Variants in IGSF11 observed in about 807,000 individuals in gnomAD.
The protein encoded by IGSF11 is immunoglobulin superfamily member 11.
In IGSF11, 22 loss-of-function variants were observed where a neutral mutation model predicts 41.0. The ratio of observed to expected loss-of-function variants is 0.54; its 90% CI spans 0.38 to 0.77. The LOEUF (loss-of-function observed/expected upper bound fraction) is 0.77. Ranked by LOEUF, IGSF11 falls within the 30% of genes least tolerant of loss-of-function variation. The pLI is 0.00. For missense variants in IGSF11, 444 were observed against 530.8 expected (o/e 0.84, Z 1.61); for synonymous variants, 219 against 201.3 (o/e 1.09, Z -0.74).
intron 1 of IGSF11, among the ~76,000 whole-genome samples, chr3:118,986,112 T>C (rs550599832): frequency 6.6e-6 from 1 of 152,288 alleles, no homozygotes; most frequent in Non-Finnish European, 1.5e-5. Context: ...CCTCATGTAC[T>C]TCCCTCTGCC....
intron 1 of IGSF11, among the ~76,000 whole-genome samples, chr3:119,142,833 G>C (rs1479838962): frequency 1.3e-5 from 2 of 152,076 alleles, no homozygotes; most frequent in East Asian, 3.8e-4. Flanking sequence ...CATTTTGAAA[G>C]AGAAAATATT....
chr3:119,132,284 A>C (rs1467099019), intron 1 of IGSF11, among the ~76,000 whole-genome samples: 1 of 147,928 alleles, frequency 6.8e-6, no homozygotes, highest in African/African-American at 2.5e-5. Flanking sequence ...AAGACCCATC[A>C]GTGTGCTATA....
At chr3:119,110,016 G>A (rs1172529248), upstream of IGSF11, among the ~76,000 whole-genome samples, 3 of 151,932 alleles carry the variant, frequency 2.0e-5, no homozygotes, top group Admixed American at 1.3e-4. Flanking sequence ...CCAACTATGT[G>A]GTCAATTTTG....
At chr3:118,997,841 C>T (rs544844772) in intron 1 of IGSF11, among the ~76,000 whole-genome samples, 113 of 152,214 alleles carry the variant, frequency 7.4e-4, no homozygotes, top group African/African-American at 2.5e-3. Flanking sequence ...AGATTTCCTA[C>T]AGTACTACAC....
chr3:119,064,152 A>G (rs1016641675), intron 1 of IGSF11, among the ~76,000 whole-genome samples: 2 of 152,216 alleles, frequency 1.3e-5, no homozygotes, highest in Admixed American at 6.5e-5. Context: ...CAAAGTCAGA[A>G]AGAAGTTCTC....
chr3:118,912,560 T>G (rs541341251), intron 4 of IGSF11, among the ~76,000 whole-genome samples: 1 of 152,254 alleles, frequency 6.6e-6, no homozygotes, highest in African/African-American at 2.4e-5. Flanking sequence ...CATCCCTTCA[T>G]CTTCCCAAAA....
intron 1 of IGSF11, among the ~76,000 whole-genome samples, chr3:119,077,723 G>C (rs2076524301): frequency 6.6e-6 from 1 of 152,060 alleles, no homozygotes; most frequent in Non-Finnish European, 1.5e-5. Context: ...CACATAGAAA[G>C]GAGAGGAAGT....
At chr3:118,945,638 A>T (rs1360131590) in intron 1 of IGSF11, among the ~76,000 whole-genome samples, 3 of 152,242 alleles carry the variant, frequency 2.0e-5, no homozygotes, top group Non-Finnish European at 4.4e-5. Context: ...TGTTGACAGC[A>T]TCTGATCTAG....
chr3:118,935,276 C>T (rs1054163143), intron 1 of IGSF11, among the ~76,000 whole-genome samples: 2 of 138,548 alleles, frequency 1.4e-5, no homozygotes, highest in African/African-American at 5.4e-5. Flanking sequence ...TACACACACC[C>T]TGAGGAAATA....
At chr3:119,008,888 G>A (rs1019148977) in intron 1 of IGSF11, among the ~76,000 whole-genome samples, 6 of 152,072 alleles carry the variant, frequency 3.9e-5, no homozygotes, top group African/African-American at 7.2e-5. Context: ...ACTGACCTCC[G>A]AAAAGCAAGA....
At position 118,914,978 on chromosome 3, in the gene IGSF11, A is replaced by AC. The variant is rs988351152; in HGVS notation, c.581-9261dup. ...CCCCCGAGCAGCCTAACTGGGAGGC[A>AC]CCCCCCAGCAGGGGCACAGTGACAC... On this transcript the variant is annotated intron_variant, in intron 4 of 6. Coordinates refer to ENST00000393775, the MANE Select transcript of IGSF11 (RefSeq NM_001015887.3). Among the ~76,000 whole-genome samples, 13 of 141,932 alleles carry AC rather than the reference A, an allele frequency of 9.2e-5. No homozygotes were observed. In the East Asian group the frequency reaches 2.6e-3, roughly 29 times the overall value. The allele number at this position is 141,932 out of a possible 152,430, so 93.1% of individuals were successfully genotyped here. A position where few individuals can be genotyped will look rare whatever the true frequency, so the allele number is the denominator to read the frequency against.
intron 1 of IGSF11, among the ~76,000 whole-genome samples, chr3:119,134,031 C>T (rs547945046): frequency 6.6e-6 from 1 of 152,294 alleles, no homozygotes; most frequent in South Asian, 2.1e-4. Flanking sequence ...ATGCTAAAAA[C>T]TCTCAATAAA....
At chr3:118,951,754 C>T (rs923369413) in intron 1 of IGSF11, among the ~76,000 whole-genome samples, 1 of 152,140 alleles carries the variant, frequency 6.6e-6, no homozygotes, top group African/African-American at 2.4e-5. Context: ...ATGTAACCTA[C>T]AAATATTCTC....
At chr3:119,058,480 GC>G (rs1351547610) in intron 1 of IGSF11, among the ~76,000 whole-genome samples, 2 of 151,404 alleles carry the variant, frequency 1.3e-5, no homozygotes, top group African/African-American at 4.8e-5. Context: ...AACAACAGGT[GC>G]TGGAGAGGAT....
intron 1 of IGSF11, among the ~76,000 whole-genome samples, chr3:119,141,370 G>C (rs2107549934): frequency 6.6e-6 from 1 of 150,550 alleles, no homozygotes; most frequent in East Asian, 2.0e-4. Flanking sequence ...CTATAAAAAA[G>C]AGCAAACTAT....
chr3:118,971,670 G>A (rs1933445009), intron 1 of IGSF11, among the ~76,000 whole-genome samples: 1 of 152,026 alleles, frequency 6.6e-6, no homozygotes, highest in African/African-American at 2.4e-5. Context: ...CAGGCGTGGT[G>A]GCAGGCACCT....
chr3:119,078,041 C>T (rs1479840601), intron 1 of IGSF11, among the ~76,000 whole-genome samples: 1 of 152,176 alleles, frequency 6.6e-6, no homozygotes, highest in African/African-American at 2.4e-5. Flanking sequence ...AATGACAAAA[C>T]ATTCTGTGCT....
intron 4 of IGSF11, among the ~76,000 whole-genome samples, chr3:118,914,033 C>T (rs532395765): frequency 6.6e-6 from 1 of 151,920 alleles, no homozygotes; most frequent in South Asian, 2.1e-4. Context: ...TTCTATGGTC[C>T]TATTATTTGG....
chr3:119,091,902 GA>G (rs1351680939), intron 1 of IGSF11, among the ~76,000 whole-genome samples: 25 of 148,572 alleles, frequency 1.7e-4, no homozygotes, highest in Admixed American at 1.3e-4. Flanking sequence ...TTTAAAAATA[GA>G]AAAAAACTTA....
Sources: gnomAD v4.1 joint callset for allele counts (sites outside exome capture counted in the v4.1 genomes callset) on GRCh38, gnomAD v4.1.1 for gene constraint, MANE v1.5 for transcripts, NCBI Gene and HGNC (gene_info 2026-07-23, HGNC 2026-07-21) for gene names.